The following OOSP2 variants were observed in gnomAD, a reference collection of about 807,000 sequenced individuals.
OOSP2 encodes oocyte secreted protein 2, also known as oocyte-secreted protein 2.
In OOSP2, 7 loss-of-function variants were observed where a neutral mutation model predicts 13.4. The observed-to-expected ratio is 0.52, with a 90% CI of 0.30 to 0.98. OOSP2 has a LOEUF of 0.98. Ranked by LOEUF, OOSP2 falls within the 50% of genes least tolerant of loss-of-function variation. The pLI, the probability that OOSP2 is intolerant of heterozygous loss-of-function variation, is 0.07. For synonymous variants in OOSP2, 75 were observed against 67.2 expected (o/e 1.12, Z -0.57); for missense variants, 184 against 188.5 (o/e 0.98, Z 0.14).
At chr11:60,041,104 C>CT (rs1487521934) in intron 1 of OOSP2, among the ~76,000 whole-genome samples, 1 of 152,156 alleles carries the variant, frequency 6.6e-6, no homozygotes, top group African/African-American at 2.4e-5. Flanking sequence ...CTTGCCAGCT[C>CT]CAAGGCCTGA....
In OOSP2 at chr11:60,043,508, T is replaced by C; in HGVS notation, c.104T>C (p.Val35Ala). Residue 35 changes from valine to alanine, a missense_variant, in exon 2 of 4, where the codon GTT (valine) becomes GCT (alanine). Val to Ala is a moderately conservative substitution (Grantham distance 64). Transcript: ENST00000278855. ...SCSLDWLMVSVIPVAESRNLY... is the reference protein window; with the variant it reads ...SCSLDWLMVSAIPVAESRNLY... ...TCTCTGGACTGGTTGATGGTCTCAGTTATCCCAGTTGCAGAAAGCAGAAAT... is the reference window on the plus strand; with the variant it reads ...TCTCTGGACTGGTTGATGGTCTCAGCTATCCCAGTTGCAGAAAGCAGAAAT... 2 of 1,613,574 alleles carry C rather than the reference T, an allele frequency of 1.2e-6. No individual in the cohort carries two copies. The highest frequency in any genetic ancestry group is 1.7e-6 in the Non-Finnish European group (2 of 1,179,488).
intron 1 of OOSP2, among the ~76,000 whole-genome samples, chr11:60,042,937 C>T (rs1241818752): frequency 6.6e-6 from 1 of 151,438 alleles, no homozygotes; most frequent in East Asian, 1.9e-4. Context: ...TGGAGTCTCT[C>T]TCTGTCACCC....
Position 60,044,783 on chromosome 11 carries a change from A to C in OOSP2, c.347+9A>C. Reference sequence around the variant, plus strand: ...GAGTGTTCCACCTCTAGGTAAGTCCAGCAGATTTGATTCCTTTGGAATGTT... The same window carrying C: ...GAGTGTTCCACCTCTAGGTAAGTCCCGCAGATTTGATTCCTTTGGAATGTT... On this transcript the variant is annotated intron_variant, in intron 3 of 3. Coordinates refer to ENST00000278855, the MANE Select transcript of OOSP2 (RefSeq NM_173801.5). 3.1e-6 allele frequency: 4 copies of C among 1,296,372 alleles called. No homozygotes were observed. Among genetic ancestry groups the C allele is most frequent in the Non-Finnish European group, 4.5e-6 (4 of 895,114 alleles). 80.3% of individuals were successfully genotyped at this position (1,296,372 alleles called of 1,614,324 possible). A position where few individuals can be genotyped will look rare whatever the true frequency, so the allele number is the denominator to read the frequency against.
At chr11:60,045,058 A>G (rs1854991268) in intron 3 of OOSP2, among the ~76,000 whole-genome samples, 1 of 152,226 alleles carries the variant, frequency 6.6e-6, no homozygotes, top group African/African-American at 2.4e-5. Flanking sequence ...ACTACAAAGC[A>G]GAGTCATTAA....
chr11:60,045,529 C>A (rs2134641493), intron 3 of OOSP2, among the ~76,000 whole-genome samples: 1 of 152,182 alleles, frequency 6.6e-6, no homozygotes, highest in South Asian at 2.1e-4. Context: ...AGCCAATGTG[C>A]AATGTCTTAA....
At chr11:60,046,119 C>CCCTGTCTCTCTGG (rs1335652420) in intron 3 of OOSP2, among the ~76,000 whole-genome samples, 3 of 151,202 alleles carry the variant, frequency 2.0e-5, no homozygotes. Context: ...TCTGGTCTGT[C>CCCTGTCTCTCTGG]CCTGTCTCTC....
In OOSP2 at chr11:60,047,270, G is replaced by T. The variant is rs1855020536; in HGVS notation, c.*197G>T. 1.1e-5 allele frequency: 5 copies of T among 449,526 alleles called. No individual in the cohort carries two copies. Among genetic ancestry groups the T allele is most frequent in the Non-Finnish European group, 2.0e-5 (5 of 254,100 alleles). The allele number at this position is 449,526 out of a possible 1,614,324, so 27.8% of individuals were successfully genotyped here. On this transcript the variant is annotated 3_prime_UTR_variant, in exon 4 of 4. Transcript: ENST00000278855. Reference sequence around the variant, plus strand: ...AAATATTTGTATTCAGTAGGGGTATGGCTGATTAATTTAACATTAACTATT... The same window carrying T: ...AAATATTTGTATTCAGTAGGGGTATTGCTGATTAATTTAACATTAACTATT...
Position 60,043,492 on chromosome 11 carries a change from TG to T in OOSP2, c.90del (p.Trp30CysfsTer2). 1 of 1,613,022 alleles carries T rather than the reference TG, an allele frequency of 6.2e-7. No individual in the cohort carries two copies. Among genetic ancestry groups the T allele is most frequent in the South Asian group, 1.1e-5 (1 of 91,038 alleles). On this transcript the variant is annotated frameshift_variant, in exon 2 of 4. Transcript: ENST00000278855. LOFTEE classifies it high-confidence loss of function. ...AGTGAAAATAAGTTGCTCTCTGGAC[TG>T]GTTGATGGTCTCAGTTATCCCAGTT... ...LHVKISCSLD[W>X]LMVSVIPVAE...
intron 1 of OOSP2, among the ~76,000 whole-genome samples, chr11:60,041,614 G>A (rs949927413): frequency 3.3e-5 from 5 of 150,892 alleles, no homozygotes; most frequent in Non-Finnish European, 7.4e-5. Context: ...TTGGGAAGCC[G>A]AGACGGGTGG....
rs1473203098 is a variant in OOSP2 at position 60,040,468 on chromosome 11, A to G, written c.9A>G (p.Leu3=). The G allele has an allele frequency of 1.3e-6, 2 of 1,597,764 alleles. No individual in the cohort carries two copies. Among genetic ancestry groups the G allele is most frequent in the African/African-American group, 2.7e-5 (2 of 74,616 alleles). The stretch of plus-strand genomic sequence containing the variant: ...CTCAGACGAAGGTCTCCATGGCGTT[A>G]GAAGTCTTGATGCTCCTCGCTGTCT... MA[L]EVLMLLAVLI... The change falls in exon 1 of 4, where the codon TTA becomes TTG. Residue 3 remains leucine, a synonymous_variant. Transcript: ENST00000278855.
At chr11:60,041,850 C>CAAAAAAAAAAAAAAAAAAAAAAAAA (rs571172974) in intron 1 of OOSP2, among the ~76,000 whole-genome samples, 2 of 36,438 alleles carry the variant, frequency 5.5e-5, no homozygotes, top group African/African-American at 2.3e-4. Context: ...GACTCTGTCT[C>CAAAAAAAAAAAAAAAAAAAAAAAAA]AAAAAAAAAA....
In OOSP2 at chr11:60,047,932, A is replaced by G. The variant is rs1206418407; in HGVS notation, c.*859A>G. 6.6e-6 allele frequency: 1 copy of G among 152,190 alleles called. No homozygotes were observed. The highest frequency in any genetic ancestry group is 2.4e-5 in the African/African-American group (1 of 41,458). 9.4% of individuals were successfully genotyped at this position (152,190 alleles called of 1,614,324 possible). ...ATTGAACTGTGCCATTGGCTATTCA[A>G]TAGCTTATTGAATGTATGTTTTGGA... On this transcript the variant is annotated 3_prime_UTR_variant, in exon 4 of 4. Transcript: ENST00000278855.
In OOSP2 at chr11:60,043,545, T is replaced by C; in HGVS notation, c.141T>C (p.Phe47=). ...CAGAAAGCAGAAATCTGTATATATT[T>C]GCGGATGAATTACATCTGGGAATGG... The part of the protein sequence containing the change: ...PVAESRNLYI[F]ADELHLGMGC... Residue 47 remains phenylalanine (F), a synonymous_variant, in exon 2 of 4, where the codon TTT becomes TTC. Transcript: ENST00000278855. 1 of 1,611,772 alleles carries C rather than the reference T, an allele frequency of 6.2e-7. No individual in the cohort carries two copies. Among genetic ancestry groups the C allele is most frequent in the Non-Finnish European group, 8.5e-7 (1 of 1,177,878 alleles).
At chr11:60,042,367 A>C (rs1854946908) in intron 1 of OOSP2, among the ~76,000 whole-genome samples, 1 of 152,228 alleles carries the variant, frequency 6.6e-6, no homozygotes, top group African/African-American at 2.4e-5. Flanking sequence ...ATGATCACTA[A>C]TGCAGGACAT....
chr11:60,043,373 C>A (rs1305510502), intron 1 of OOSP2, 96 bp from the exon 2 acceptor site: 2 of 634,646 alleles, frequency 3.2e-6, no homozygotes, highest in African/African-American at 1.8e-5. Context: ...GAAATAAATG[C>A]CTTTTATTTA....
Position 60,040,562 on chromosome 11 carries a change from T to A in OOSP2, c.64+39T>A, listed in dbSNP as rs761851871. 2.8e-6 allele frequency: 3 copies of A among 1,089,482 alleles called. No individual in the cohort carries two copies. In the South Asian group the frequency reaches 3.7e-5, roughly 14 times the overall value. 67.5% of individuals were successfully genotyped at this position (1,089,482 alleles called of 1,614,324 possible). A position where few individuals can be genotyped will look rare whatever the true frequency, so the allele number is the denominator to read the frequency against. On this transcript the variant is annotated intron_variant, in intron 1 of 3. Transcript: ENST00000278855. ...TTTAGAGAATGCTTCCTCGAAGGAG[T>A]TAATCATAATGATCGCTTTCCATGC... is the stretch of plus-strand genomic sequence containing the variant.
At position 60,040,432 on chromosome 11, in the gene OOSP2, C is replaced by T. The variant is rs369213722; in HGVS notation, c.-28C>T. ...TCCTTGTTTCCTGAGTTGTCCTGTG[C>T]TGGAGGTCTGCTCAGACGAAGGTCT... On this transcript the variant is annotated 5_prime_UTR_variant, in exon 1 of 4. Coordinates refer to ENST00000278855, the MANE Select transcript of OOSP2 (RefSeq NM_173801.5). 5.5e-5 allele frequency: 78 copies of T among 1,414,376 alleles called. No homozygotes were observed. Among genetic ancestry groups the T allele is most frequent in the Non-Finnish European group, 7.2e-5 (72 of 997,670 alleles). 87.6% of individuals were successfully genotyped at this position (1,414,376 alleles called of 1,614,324 possible).
chr11:60,043,472 A>C lies in OOSP2; in HGVS notation c.68A>C (p.Lys23Thr). Residue 23 changes from lysine (K) to threonine (T), a missense_variant, in exon 2 of 4, where the codon AAA becomes ACA. Coordinates refer to ENST00000278855, the MANE Select transcript of OOSP2 (RefSeq NM_173801.5). The part of the protein sequence containing the change: ...IWTGAENLHV[K>T]ISCSLDWLMV... ...TTTCATATGGTTCTTTCCACAGTGA[A>C]AATAAGTTGCTCTCTGGACTGGTTG... 1 of 1,609,204 alleles carries C rather than the reference A, an allele frequency of 6.2e-7. No homozygotes were observed. Among genetic ancestry groups the C allele is most frequent in the Non-Finnish European group, 8.5e-7 (1 of 1,175,822 alleles).
intron 1 of OOSP2, among the ~76,000 whole-genome samples, 154 bp downstream of exon 1, chr11:60,040,677 C>T (rs1325932658): frequency 6.6e-6 from 1 of 152,168 alleles, no homozygotes; most frequent in South Asian, 2.1e-4. Flanking sequence ...TGTCAATATA[C>T]GGAGGATACA....
Sources: allele counts gnomAD v4.1 joint callset (sites outside exome capture counted in the v4.1 genomes callset), GRCh38; gene constraint gnomAD v4.1.1; transcripts MANE v1.5; gene names NCBI Gene and HGNC (gene_info 2026-07-23, HGNC 2026-07-21).